Variants in LUZP2 observed in about 807,000 individuals in gnomAD.
LUZP2 encodes leucine zipper protein 2.
A neutral mutation model predicts 51.6 loss-of-function variants in LUZP2; 52 were observed. The ratio of observed to expected loss-of-function variants is 1.01; its 90% CI spans 0.81 to 1.27. LUZP2 has a LOEUF of 1.27. Ranked by LOEUF, LUZP2 falls within the 50% of genes most tolerant of loss-of-function variation. The probability of loss-of-function intolerance (pLI) is 0.00; values close to 1 mark genes in which losing one functional copy is unlikely to be tolerated. For synonymous variants in LUZP2, 154 were observed against 137.3 expected, an observed-to-expected ratio of 1.12 and a Z score of -0.85; for missense variants, 436 against 395.4, an observed-to-expected ratio of 1.10 and a Z score of -0.87.
chr11:24,679,827 C>A (rs1247201481), intron 1 of LUZP2, among the ~76,000 whole-genome samples: 1 of 152,078 alleles, frequency 6.6e-6, no homozygotes, highest in Non-Finnish European at 1.5e-5. Context: ...TATCTGCCAC[C>A]AGAATATAAA....
intron 1 of LUZP2, among the ~76,000 whole-genome samples, chr11:24,669,264 T>G (rs1163230965): frequency 6.6e-6 from 1 of 152,168 alleles, no homozygotes; most frequent in Non-Finnish European, 1.5e-5. Flanking sequence ...TTACTACAAA[T>G]GAATTATTTT....
intron 7 of LUZP2, among the ~76,000 whole-genome samples, chr11:24,972,329 T>A (rs1855764838): frequency 6.6e-6 from 1 of 152,080 alleles, no homozygotes; most frequent in Non-Finnish European, 1.5e-5. Context: ...AGTCATATAT[T>A]ACTATTGAAC....
At chr11:25,042,653 G>A (rs889386165) in intron 9 of LUZP2, among the ~76,000 whole-genome samples, 6 of 152,072 alleles carry the variant, frequency 3.9e-5, no homozygotes, top group Admixed American at 2.0e-4. Context: ...AATCTGCCAG[G>A]ACTATACTTC....
intron 9 of LUZP2, among the ~76,000 whole-genome samples, chr11:25,042,410 A>T (rs1858097488): frequency 6.6e-6 from 1 of 152,204 alleles, no homozygotes; most frequent in Non-Finnish European, 1.5e-5. Context: ...TTTTTATCAG[A>T]AAAGCTAAGA....
At chr11:24,906,262 G>A (rs1337668745) in intron 6 of LUZP2, among the ~76,000 whole-genome samples, 1 of 151,260 alleles carries the variant, frequency 6.6e-6, no homozygotes, top group Admixed American at 6.6e-5. Flanking sequence ...ATTAACAAAG[G>A]CAGGTAATGA....
chr11:24,575,579 T>C (rs1194317108), intron 1 of LUZP2, among the ~76,000 whole-genome samples: 3 of 152,210 alleles, frequency 2.0e-5, no homozygotes, highest in African/African-American at 7.2e-5. Context: ...CTATGTGTTT[T>C]TTTCTTTTTC....
At chr11:24,950,919 G>GT (rs1270104848) in intron 7 of LUZP2, among the ~76,000 whole-genome samples, 1 of 151,318 alleles carries the variant, frequency 6.6e-6, no homozygotes, top group Non-Finnish European at 1.5e-5. Flanking sequence ...TGATAAGAAA[G>GT]TTTTTTAGTT....
At chr11:24,977,857 T>G (rs1855922238) in intron 8 of LUZP2, among the ~76,000 whole-genome samples, 1 of 151,542 alleles carries the variant, frequency 6.6e-6, no homozygotes, top group Admixed American at 6.6e-5. Flanking sequence ...TGATATTTAT[T>G]ATGTTTCTCT....
chr11:24,710,754 T>TA (rs1483573600), intron 1 of LUZP2, among the ~76,000 whole-genome samples: 1 of 146,720 alleles, frequency 6.8e-6, no homozygotes, highest in Non-Finnish European at 1.5e-5. Context: ...AGTGTAAATT[T>TA]ATCACATTTT....
intron 4 of LUZP2, among the ~76,000 whole-genome samples, chr11:24,759,094 C>CA: frequency 6.6e-6 from 1 of 152,180 alleles, no homozygotes; most frequent in East Asian, 1.9e-4. Context: ...CCCTAACAGA[C>CA]AGCAGTGAAG....
intron 10 of LUZP2, 60 bp from the exon 11 acceptor site, chr11:25,077,269 T>TC (rs1390640709): frequency 4.8e-6 from 6 of 1,245,498 alleles, no homozygotes; most frequent in East Asian, 2.4e-5. Flanking sequence ...TGTTTTTGAC[T>TC]CCCCCCTCCA....
intron 1 of LUZP2, among the ~76,000 whole-genome samples, chr11:24,685,754 G>C (rs1296373189): frequency 6.6e-6 from 1 of 152,096 alleles, no homozygotes; most frequent in East Asian, 1.9e-4. Flanking sequence ...TCAGGACAGA[G>C]ATTATGCTGT....
At chr11:24,513,597 G>A (rs943615605) in intron 1 of LUZP2, among the ~76,000 whole-genome samples, 4 of 152,024 alleles carry the variant, frequency 2.6e-5, no homozygotes, top group Non-Finnish European at 5.9e-5. Context: ...TATATAATAC[G>A]TGACTCATAT....
chr11:25,012,823 A>G (rs1857022296), intron 9 of LUZP2, among the ~76,000 whole-genome samples: 1 of 152,180 alleles, frequency 6.6e-6, no homozygotes, highest in Non-Finnish European at 1.5e-5. Context: ...AGATTTCTCA[A>G]AAAACTAAAA....
At chr11:24,852,900 A>C (rs1851440030) in intron 5 of LUZP2, among the ~76,000 whole-genome samples, 1 of 151,808 alleles carries the variant, frequency 6.6e-6, no homozygotes, top group Admixed American at 6.6e-5. Flanking sequence ...GCAAACCCCT[A>C]CTGTTTTTTC....
chr11:24,839,084 G>T (rs895734620), intron 5 of LUZP2, among the ~76,000 whole-genome samples: 1 of 151,644 alleles, frequency 6.6e-6, no homozygotes, highest in African/African-American at 2.4e-5. Flanking sequence ...AAATAAAGTT[G>T]TAGGTTGTAT....
At chr11:24,664,869 G>T (rs1437810910) in intron 1 of LUZP2, among the ~76,000 whole-genome samples, 1 of 152,152 alleles carries the variant, frequency 6.6e-6, no homozygotes, top group African/African-American at 2.4e-5. Flanking sequence ...AGCCCTCAAG[G>T]AGAACCTCTA....
intron 9 of LUZP2, among the ~76,000 whole-genome samples, chr11:25,018,044 T>TTTG (rs879570108): frequency 1.8e-3 from 11 of 6,076 alleles, no homozygotes; most frequent in Non-Finnish European, 2.5e-3. Flanking sequence ...TCTGTTTTTT[T>TTTG]TTTGTTTTTT....
At chr11:24,538,847 C>T (rs1285423530) in intron 1 of LUZP2, among the ~76,000 whole-genome samples, 1 of 151,774 alleles carries the variant, frequency 6.6e-6, no homozygotes, top group Non-Finnish European at 1.5e-5. Context: ...GTGCTCTTCA[C>T]ATTCAAAGGA....
Sources: gnomAD v4.1 joint callset for allele counts (sites outside exome capture counted in the v4.1 genomes callset) on GRCh38, gnomAD v4.1.1 for gene constraint, MANE v1.5 for transcripts, NCBI Gene and HGNC (gene_info 2026-07-23, HGNC 2026-07-21) for gene names.